Variants in MYH14 observed in about 807,000 individuals in gnomAD.
MYH14 encodes myosin-14.
Under a neutral mutation model 255.5 loss-of-function variants are expected in MYH14, and 123 were observed. That is an observed-to-expected ratio of 0.48 (90% CI 0.42 to 0.56). The LOEUF (loss-of-function observed/expected upper bound fraction) is 0.56. Among genes scored for constraint, MYH14 ranks in the 20% least tolerant of loss-of-function variants. The probability of loss-of-function intolerance (pLI) is 0.00; values close to 1 mark genes in which losing one functional copy is unlikely to be tolerated. For synonymous variants in MYH14, 1,095 were observed against 1,161.2 expected (o/e 0.94, Z 1.16); for missense variants, 2,423 against 2,802.3 (o/e 0.86, Z 3.06).
rs893490164 is a variant in MYH14, at chr19:50,286,584, C to G, written c.4642C>G (p.Arg1548Gly). The stretch of plus-strand genomic sequence containing the variant: ...TGAGGCTCGGGCCCTGTCACTGACA[C>G]GGGCACTGGAGGAGGAGCAGGAGGC... ...EREARALSLT[R>G]ALEEEQEARE... The change falls in exon 34 of 43, where the codon CGG becomes GGG. Residue 1548 changes from arginine (R) to glycine (G), a missense_variant. Transcript: ENST00000642316. 2 of 1,608,594 alleles carry G rather than the reference C, an allele frequency of 1.2e-6. No homozygotes were observed. The highest frequency in any genetic ancestry group is 1.7e-6 in the Non-Finnish European group (2 of 1,177,876).
chr19:50,300,250 C>T (rs1042392088), intron 39 of MYH14, among the ~76,000 whole-genome samples: 2 of 152,096 alleles, frequency 1.3e-5, no homozygotes, highest in Non-Finnish European at 2.9e-5. Context: ...GGATGACACC[C>T]ACACACATCC....
At position 50,230,586 on chromosome 19, in the gene MYH14, C is replaced by G; in HGVS notation, c.936C>G (p.Phe312Leu). The G allele has an allele frequency of 6.4e-7, 1 of 1,569,468 alleles. No individual in the cohort carries two copies. Among genetic ancestry groups the G allele is most frequent in the Non-Finnish European group, 8.6e-7 (1 of 1,157,608 alleles). ...AGGACGAGTGCAGCTTCCACATCTT[C>G]TACCAGCTGCTGGGGGGCGCTGGAG... Reference protein sequence around the residue: ...QAKDECSFHIFYQLLGGAGEQ... With the variant: ...QAKDECSFHILYQLLGGAGEQ... The change falls in exon 9 of 43, where the codon TTC (phenylalanine) becomes TTG (leucine). Residue 312 changes from phenylalanine (F) to leucine (L), a missense_variant. Phe to Leu is a conservative substitution (Grantham distance 22). Around this residue, in one of 3 missense-constraint regions of MYH14, gnomAD observed 672 missense variants for 881.8 expected, o/e 0.76. Coordinates refer to ENST00000642316, the MANE Select transcript of MYH14 (RefSeq NM_001145809.2). This position sits in a 1 kb window ranked among gnomAD's most constrained non-coding sequence, Gnocchi z 4.7.
chr19:50,210,541 C>T lies in MYH14; in HGVS notation c.176C>T (p.Pro59Leu). 3.2e-6 allele frequency: 5 copies of T among 1,581,050 alleles called. No homozygotes were observed. The highest frequency in any genetic ancestry group is 1.8e-5 in the Admixed American group (1 of 54,978). ...ACGGCCCGGCGTCTCGTGTGGGTGC[C>T]TTCGGAGCTTCACGGGTTCGAGGCG... Reference protein sequence around the residue: ...EWTARRLVWVPSELHGFEAAA... With the variant: ...EWTARRLVWVLSELHGFEAAA... Residue 59 changes from proline (P) to leucine (L), a missense_variant, in exon 2 of 43, where the codon CCT (proline) becomes CTT (leucine). By Grantham distance (98) the Pro-to-Leu change is moderately conservative. This residue lies in a region of MYH14 where 238 missense variants were observed against 245.8 expected (regional missense o/e 0.97). Coordinates refer to ENST00000642316, the MANE Select transcript of MYH14 (RefSeq NM_001145809.2).
At chr19:50,234,196 T>C (rs1239457437) in intron 10 of MYH14, among the ~76,000 whole-genome samples, 1 of 152,170 alleles carries the variant, frequency 6.6e-6, no homozygotes, top group Non-Finnish European at 1.5e-5. Context: ...TGTCACATTC[T>C]GAGGTCCTGG....
rs370923801 is a variant in MYH14 at position 50,271,937 on chromosome 19, G to A, written c.3260G>A (p.Arg1087Gln). Residue 1087 changes from arginine to glutamine, a missense_variant, in exon 26 of 43, where the codon CGG (arginine) becomes CAG (glutamine). Arg to Gln is a conservative substitution (Grantham distance 43). Transcript: ENST00000642316. ...EEKVKSLNKL[R>Q]LKYEATIADM... ...AAGGTCAAGAGCCTCAATAAGCTAC[G>A]GCTCAAATATGAGGCCACAATCGCA... 9.3e-6 allele frequency: 15 copies of A among 1,611,530 alleles called. No homozygotes were observed. In the African/African-American group the frequency reaches 1.1e-4, roughly 11 times the overall value.
chr19:50,210,638 G>A lies in MYH14; in HGVS notation c.273G>A (p.Leu91=). ...ELAESGRRLR[L]PRDQIQRMNP... is the part of the protein sequence containing the mutation. The stretch of plus-strand genomic sequence containing the variant: ...CGGAGAGCGGGAGGCGGCTGCGACT[G>A]CCGCGGGACCAGATCCAGCGCATGA... The change falls in exon 2 of 43, where the codon CTG becomes CTA. Residue 91 remains leucine (L), a synonymous_variant. Transcript: ENST00000642316. The A allele has an allele frequency of 6.4e-7, 1 of 1,570,276 alleles. No homozygotes were observed.
At chr19:50,273,746 A>G (rs1016204782) in intron 27 of MYH14, among the ~76,000 whole-genome samples, 1 of 151,952 alleles carries the variant, frequency 6.6e-6, no homozygotes, top group African/African-American at 2.4e-5. Flanking sequence ...GGTTCAAGCA[A>G]TTCTTGTACT....
chr19:50,263,119 A>T (rs537000948), intron 21 of MYH14, among the ~76,000 whole-genome samples, 193 bp from the exon 22 acceptor site: 1 of 152,246 alleles, frequency 6.6e-6, no homozygotes, highest in African/African-American at 2.4e-5. Context: ...GAATTGCTTG[A>T]ACCTGGGAGG....
chr19:50,230,902 C>T lies in MYH14; in HGVS notation c.973+279C>T. The T allele has an allele frequency of 2.2e-6, 1 of 450,982 alleles. No homozygotes were observed. Among genetic ancestry groups the T allele is most frequent in the Non-Finnish European group, 4.1e-6 (1 of 246,814 alleles). 27.9% of individuals were successfully genotyped at this position (450,982 alleles called of 1,614,324 possible). On this transcript the variant is annotated intron_variant, in intron 9 of 42. Coordinates refer to ENST00000642316, the MANE Select transcript of MYH14 (RefSeq NM_001145809.2). This position sits in a 1 kb window ranked among gnomAD's most constrained non-coding sequence, Gnocchi z 4.7. ...GCCTGGTGGCTCCTGCTCACGCTCG[C>T]TTCCGAAGCTCCGTGGCTTCTCTCT...
intron 19 of MYH14, among the ~76,000 whole-genome samples, chr19:50,260,251 C>T (rs2034773585): frequency 6.6e-6 from 1 of 152,100 alleles, no homozygotes; most frequent in African/African-American, 2.4e-5. Flanking sequence ...CATGGAGAAA[C>T]CCCATCTCTA....
At chr19:50,298,107 T>C (rs2036343814) in intron 39 of MYH14, among the ~76,000 whole-genome samples, 1 of 152,092 alleles carries the variant, frequency 6.6e-6, no homozygotes, top group African/African-American at 2.4e-5. Context: ...GAGACGTCAC[T>C]GGATAGGTGT....
At chr19:50,260,810 CGT>C (rs1421171248) in intron 20 of MYH14, 95 bp downstream of exon 20, 53 of 882,816 alleles carry the variant, frequency 6.0e-5, no homozygotes, top group East Asian at 2.0e-4. Context: ...TGTGTGCATG[CGT>C]GTGTGTGCAA....
In MYH14 at chr19:50,217,770, G is replaced by A. The variant is rs1355918624; in HGVS notation, c.561G>A (p.Gln187=). 9 of 1,613,302 alleles carry A rather than the reference G, an allele frequency of 5.6e-6. No individual in the cohort carries two copies. Among genetic ancestry groups the A allele is most frequent in the Non-Finnish European group, 7.6e-6 (9 of 1,179,744 alleles). Reference sequence around the variant, plus strand: ...AGGGGGCCTATCGGAGCATGCTGCAGGGTGAGTGCTGGGTGGGGCTGTAGG... The same window carrying A: ...AGGGGGCCTATCGGAGCATGCTGCAAGGTGAGTGCTGGGTGGGGCTGTAGG... The part of the protein sequence containing the change: ...VTEGAYRSML[Q]DREDQSILCT... The change falls in exon 3 of 43, where the codon CAG becomes CAA. Residue 187 remains glutamine (Q), a splice_region_variant and synonymous_variant. Transcript: ENST00000642316.
chr19:50,252,315 G>A lies in MYH14; in HGVS notation c.1831-324G>A, dbSNP rs73061165. Among the ~76,000 whole-genome samples the A allele has an allele frequency of 0.013, 2,047 of 152,296 alleles. 22 individuals are homozygous for A. Among genetic ancestry groups the A allele is most frequent in the Non-Finnish European group, 0.02 (1,364 of 68,032 alleles). On this transcript the variant is annotated intron_variant, in intron 15 of 42. Transcript: ENST00000642316. This position sits in a 1 kb window ranked among gnomAD's most constrained non-coding sequence, Gnocchi z 4.2. ...GACAGAACCCCAGGTGGCAGGAACC[G>A]CAGGGGTAAAACCCCGAGGTGGGAG...
chr19:50,215,219 T>A (rs952912805), intron 2 of MYH14, among the ~76,000 whole-genome samples: 1 of 146,738 alleles, frequency 6.8e-6, no homozygotes, highest in Non-Finnish European at 1.5e-5. Flanking sequence ...GGGGCCAGGG[T>A]GGGAGGGTGG....
chr19:50,276,146 C>T lies in MYH14; in HGVS notation c.3623C>T (p.Ala1208Val), dbSNP rs758560911. The T allele has an allele frequency of 6.9e-5, 108 of 1,573,860 alleles. 1 individual carries two copies. Among genetic ancestry groups the T allele is most frequent in the Admixed American group, 9.3e-5 (5 of 53,614 alleles). ...CGGGACCTGGGCGAGGAGCTGGAGGCGCTGCGGGGCGAGCTGGAGGACACG... is the reference window on the plus strand; with the variant it reads ...CGGGACCTGGGCGAGGAGCTGGAGGTGCTGCGGGGCGAGCTGGAGGACACG... ...QRRDLGEELE[A>V]LRGELEDTLD... The change falls in exon 28 of 43, where the codon GCG becomes GTG. Residue 1208 changes from alanine (A) to valine (V), a missense_variant. Physicochemically the swap from Ala to Val is moderately conservative, Grantham distance 64. Transcript: ENST00000642316. This position sits in a 1 kb window ranked among gnomAD's most constrained non-coding sequence, Gnocchi z 4.3.
At chr19:50,299,298 A>G (rs2036391472) in intron 39 of MYH14, among the ~76,000 whole-genome samples, 3 of 152,074 alleles carry the variant, frequency 2.0e-5, no homozygotes, top group African/African-American at 7.2e-5. Context: ...GGCTGGGGGC[A>G]GTGGCTCACA....
At chr19:50,247,220 CT>C in intron 12 of MYH14, 98 bp downstream of exon 12, 1 of 849,818 alleles carries the variant, frequency 1.2e-6, no homozygotes, top group South Asian at 1.5e-5. Context: ...ACTCAACAGA[CT>C]TTTGCTGAGT....
intron 40 of MYH14, among the ~76,000 whole-genome samples, chr19:50,302,539 C>T (rs1285173299): frequency 8.6e-5 from 13 of 150,410 alleles, no homozygotes; most frequent in African/African-American, 2.4e-4. Flanking sequence ...GCCGAGATTG[C>T]GCCACTGCCC....
Sources: allele counts gnomAD v4.1 joint callset (sites outside exome capture counted in the v4.1 genomes callset), GRCh38; gene constraint gnomAD v4.1.1; regional missense constraint gnomAD v4.1.1; non-coding constraint Gnocchi (gnomAD v3.1); transcripts MANE v1.5; gene names NCBI Gene and HGNC (gene_info 2026-07-23, HGNC 2026-07-21).